Variants in GSN observed in about 807,000 individuals in gnomAD.
GSN encodes the protein actin-depolymerizing factor.
GSN carries 56 observed loss-of-function variants against 85.7 expected under a neutral mutation model. The observed-to-expected ratio is 0.65, with a 90% CI of 0.53 to 0.82. GSN has a LOEUF of 0.82. Among genes scored for constraint, GSN ranks in the 40% least tolerant of loss-of-function variants. GSN has a pLI of 0.00. For missense variants in GSN, 857 were observed against 979.8 expected, an observed-to-expected ratio of 0.87 and a Z score of 1.67; for synonymous variants, 373 against 399.1, an observed-to-expected ratio of 0.93 and a Z score of 0.78.
upstream of GSN, among the ~76,000 whole-genome samples, chr9:121,206,856 C>T (rs1188157765): frequency 1.3e-5 from 2 of 152,222 alleles, no homozygotes; most frequent in South Asian, 2.1e-4. Context: ...CGCAGGCCAC[C>T]CTCCCACCTC....
At chr9:121,207,186 G>A (rs2053895524), upstream of GSN, among the ~76,000 whole-genome samples, 1 of 152,218 alleles carries the variant, frequency 6.6e-6, no homozygotes, top group African/African-American at 2.4e-5. Context: ...TGAGAACTGA[G>A]ATTTTACTCT....
Position 121,324,566 on chromosome 9 carries a change from G to A in GSN, c.1338G>A (p.Gln446=), listed in dbSNP as rs759150461. 6.0e-5 allele frequency: 92 copies of A among 1,534,600 alleles called. No homozygotes were observed. The highest frequency in any genetic ancestry group is 7.4e-5 in the Non-Finnish European group (84 of 1,133,176). ...GQIIYNWQGA[Q]STQDEVAASA... ...CTTCCCCTTCCAGGCAGGGTGCCCAGTCTACCCAGGATGAGGTCGCTGCAT... is the reference window on the plus strand; with the variant it reads ...CTTCCCCTTCCAGGCAGGGTGCCCAATCTACCCAGGATGAGGTCGCTGCAT... The change falls in exon 12 of 18, where the codon CAG becomes CAA. Residue 446 remains glutamine, a synonymous_variant. Transcript: ENST00000432226.
intron 1 of GSN, among the ~76,000 whole-genome samples, chr9:121,269,831 G>A (rs1331589729): frequency 6.6e-6 from 1 of 152,200 alleles, no homozygotes; most frequent in Non-Finnish European, 1.5e-5. Context: ...CCCAGGAGGG[G>A]TGGCTGCAGG....
Position 121,318,929 on chromosome 9 carries a change from C to T in GSN, c.1191+49C>T. On this transcript the variant is annotated intron_variant, in intron 10 of 17. Transcript: ENST00000432226. This position sits in a 1 kb window ranked among gnomAD's most constrained non-coding sequence, Gnocchi z 4.3. ...TGTGTCCAGGCCCCTCCCTCACTTT[C>T]CCCATGCACTGCCTCTTGCTTCCCC... The T allele has an allele frequency of 7.2e-7, 1 of 1,387,566 alleles. No individual in the cohort carries two copies. Among genetic ancestry groups the T allele is most frequent in the Non-Finnish European group, 1.0e-6 (1 of 975,260 alleles). The allele number at this position is 1,387,566 out of a possible 1,614,324, so 86.0% of individuals were successfully genotyped here. A position where few individuals can be genotyped will look rare whatever the true frequency, so the allele number is the denominator to read the frequency against.
At chr9:121,206,772 C>T (rs2053887763), upstream of GSN, among the ~76,000 whole-genome samples, 2 of 152,094 alleles carry the variant, frequency 1.3e-5, no homozygotes, top group South Asian at 4.2e-4. Context: ...TTGTTTGTTT[C>T]GAGACTAAGT....
chr9:121,247,279 T>G (rs1180546397), intron 5 of GSN, among the ~76,000 whole-genome samples: 1 of 152,096 alleles, frequency 6.6e-6, no homozygotes, highest in Non-Finnish European at 1.5e-5. Flanking sequence ...AAAGAAAGGC[T>G]ATATCAGTGC....
chr9:121,303,293 G>T lies in GSN; in HGVS notation c.351+228G>T, dbSNP rs1157834568. Among the ~76,000 whole-genome samples, 13 of 152,292 alleles carry T rather than the reference G, an allele frequency of 8.5e-5. No individual in the cohort carries two copies. The South Asian group carries it at 2.3e-3, about 27-fold the overall frequency. On this transcript the variant is annotated intron_variant, in intron 4 of 17. Coordinates refer to ENST00000432226, the MANE Select transcript of GSN (RefSeq NM_198252.3). ...CTCTGGTTCCTTATCTTAAAATGGG[G>T]AGAAGAAAATTCCCCATAAGTTCAT...
At chr9:121,281,986 C>T (rs1392592377) in intron 2 of GSN, 5 of 472,836 alleles carry the variant, frequency 1.1e-5, no homozygotes, top group Non-Finnish European at 1.8e-5. Flanking sequence ...TGCCAAGTCT[C>T]TGGACTTGTT....
intron 14 of GSN, 82 bp from the exon 15 acceptor site, chr9:121,328,809 G>A: frequency 6.8e-7 from 1 of 1,479,512 alleles, no homozygotes; most frequent in Non-Finnish European, 9.3e-7. Flanking sequence ...TTGCGCTTGG[G>A]CAGGGCTGGT....
At chr9:121,236,289 G>A (rs1007998059) in intron 5 of GSN, among the ~76,000 whole-genome samples, 14 of 151,970 alleles carry the variant, frequency 9.2e-5, no homozygotes, top group Admixed American at 6.6e-4. Flanking sequence ...GTGCGATCTC[G>A]GCTTACTGCA....
chr9:121,330,176 T>C (rs2063731786), intron 16 of GSN, among the ~76,000 whole-genome samples: 1 of 152,222 alleles, frequency 6.6e-6, no homozygotes, highest in Non-Finnish European at 1.5e-5. Flanking sequence ...TTCAGCACCA[T>C]GGTCTTGCAG....
intron 10 of GSN, among the ~76,000 whole-genome samples, chr9:121,320,281 G>T (rs1323070796): frequency 6.6e-6 from 1 of 152,220 alleles, no homozygotes; most frequent in Non-Finnish European, 1.5e-5. Flanking sequence ...CCAGAACGCT[G>T]CGGAGACCTG....
chr9:121,239,612 G>T, intron 5 of GSN: 1 of 280,750 alleles, frequency 3.6e-6, no homozygotes, highest in Non-Finnish European at 7.1e-6. Flanking sequence ...CTGAAATGCT[G>T]GTCCGAATCA....
At chr9:121,242,580 A>G (rs2054625984) in intron 5 of GSN, among the ~76,000 whole-genome samples, 1 of 152,234 alleles carries the variant, frequency 6.6e-6, no homozygotes, top group African/African-American at 2.4e-5. Context: ...AATATATGTT[A>G]AATTGAGAAA....
chr9:121,324,774 C>T, intron 12 of GSN, 130 bp downstream of exon 12: 1 of 675,160 alleles, frequency 1.5e-6, no homozygotes, highest in East Asian at 2.8e-5. Flanking sequence ...TCCATCCATC[C>T]ATCCATCCAT....
At chr9:121,297,081 TG>T (rs748686096) in intron 2 of GSN, among the ~76,000 whole-genome samples, 23 of 152,232 alleles carry the variant, frequency 1.5e-4, no homozygotes, top group African/African-American at 2.2e-4. Context: ...AGGTTCAGTC[TG>T]GGGGCTGGGC....
At chr9:121,208,465 T>G (rs924286783) in intron 1 of GSN, among the ~76,000 whole-genome samples, 1 of 152,220 alleles carries the variant, frequency 6.6e-6, no homozygotes, top group East Asian at 1.9e-4. Context: ...CACATGGAAG[T>G]CTGGGTAAGT....
upstream of GSN, among the ~76,000 whole-genome samples, chr9:121,267,120 G>A (rs1249344612): frequency 6.6e-6 from 1 of 152,220 alleles, no homozygotes; most frequent in East Asian, 1.9e-4. Flanking sequence ...ATGTGGTGCA[G>A]TCTCCTGTGG....
intron 1 of GSN, among the ~76,000 whole-genome samples, chr9:121,268,513 GC>G (rs1166481092): frequency 6.6e-6 from 1 of 152,056 alleles, no homozygotes; most frequent in Admixed American, 6.5e-5. Flanking sequence ...CCTCGACCCC[GC>G]CCCCGGGATG....
Sources: allele counts gnomAD v4.1 joint callset (sites outside exome capture counted in the v4.1 genomes callset), GRCh38; gene constraint gnomAD v4.1.1; non-coding constraint Gnocchi (gnomAD v3.1); transcripts MANE v1.5; gene names NCBI Gene and HGNC (gene_info 2026-07-23, HGNC 2026-07-21).